The following STPG2 variants were observed in gnomAD, a reference collection of about 807,000 sequenced individuals.
STPG2 encodes sperm-tail PG-rich repeat-containing protein 2.
A neutral mutation model predicts 54.2 loss-of-function variants in STPG2; 56 were observed. The observed-to-expected ratio is 1.03, with a 90% CI of 0.83 to 1.29. The LOEUF (loss-of-function observed/expected upper bound fraction) is 1.29. Ranked by LOEUF, STPG2 falls within the 50% of genes most tolerant of loss-of-function variation. STPG2 has a pLI of 0.00. For synonymous variants in STPG2, 200 were observed against 181.8 expected (o/e 1.10, Z -0.81); for missense variants, 596 against 544.9 (o/e 1.09, Z -0.93).
rs550920654 is a variant in STPG2 at position 97,998,261 on chromosome 4, T to A, written c.613-16943A>T. On this transcript the variant is annotated intron_variant, in intron 5 of 10. Coordinates refer to ENST00000295268, the MANE Select transcript of STPG2 (RefSeq NM_174952.3). ...CCAATTCTGAGCCTAGGCCTTAACATGCATATGTTCCACATTTGCACTCTC... is the reference window on the plus strand; with the variant it reads ...CCAATTCTGAGCCTAGGCCTTAACAAGCATATGTTCCACATTTGCACTCTC... 5.9e-5 allele frequency among the ~76,000 whole-genome samples: 9 copies of A among 152,272 alleles called. No individual in the cohort carries two copies. The South Asian group carries it at 1.9e-3, about 32-fold the overall frequency.
rs116450699 is a variant in STPG2, at chr4:97,803,882, C to A, written c.1204+36891G>T. On this transcript the variant is annotated intron_variant, in intron 9 of 10. Coordinates refer to ENST00000295268, the MANE Select transcript of STPG2 (RefSeq NM_174952.3). Reference sequence around the variant, plus strand: ...GGGAATACTGACTTCTTAATCAATTCATCTCCGATGTCACGTTATTTCAAT... The same window carrying A: ...GGGAATACTGACTTCTTAATCAATTAATCTCCGATGTCACGTTATTTCAAT... Among the ~76,000 whole-genome samples, 543 of 152,236 alleles carry A rather than the reference C, an allele frequency of 3.6e-3. 3 individuals are homozygous for A. Among genetic ancestry groups the A allele is most frequent in the African/African-American group, 0.012 (493 of 41,558 alleles).
At chr4:97,789,811 G>A (rs114087586) in intron 9 of STPG2, among the ~76,000 whole-genome samples, 1,681 of 152,110 alleles carry the variant, frequency 0.011, 24 homozygotes, top group Non-Finnish European at 0.014. Flanking sequence ...TGTACAAAGC[G>A]GGCTAGGCCT....
At chr4:97,702,352 C>T (rs1469970803) in intron 10 of STPG2, among the ~76,000 whole-genome samples, 1 of 152,144 alleles carries the variant, frequency 6.6e-6, no homozygotes. Context: ...CCTTAATATC[C>T]ATTCCCATGC....
At chr4:97,771,722 G>C (rs1160328858) in intron 9 of STPG2, among the ~76,000 whole-genome samples, 1 of 152,214 alleles carries the variant, frequency 6.6e-6, no homozygotes. Flanking sequence ...GACAGCTAGT[G>C]GGGCTAGACA....
In STPG2 at chr4:97,928,099, A is replaced by C. The variant is rs551774029; in HGVS notation, c.1044+15798T>G. ...TTTGCATTTCACTTTTAACCTGCAT[A>C]GGTTGACCACTAGAGTTTTAGTGTA... On this transcript the variant is annotated intron_variant, in intron 8 of 10. Coordinates refer to ENST00000295268, the MANE Select transcript of STPG2 (RefSeq NM_174952.3). 4.6e-5 allele frequency among the ~76,000 whole-genome samples: 7 copies of C among 152,288 alleles called. No individual in the cohort carries two copies. The East Asian group carries it at 1.3e-3, about 29-fold the overall frequency.
At chr4:97,809,675 G>A (rs1727677557) in intron 9 of STPG2, among the ~76,000 whole-genome samples, 1 of 152,138 alleles carries the variant, frequency 6.6e-6, no homozygotes, top group Non-Finnish European at 1.5e-5. Context: ...ATGGACTTCT[G>A]TCCTAAAGAA....
intron 5 of STPG2, chr4:98,048,780 T>G (rs1320633977): frequency 6.4e-6 from 1 of 157,156 alleles, no homozygotes; most frequent in African/African-American, 2.4e-5. Flanking sequence ...ATGTCTTGCA[T>G]GTGGATGTTA....
At chr4:98,014,316 T>G (rs931966809) in intron 5 of STPG2, among the ~76,000 whole-genome samples, 3 of 152,162 alleles carry the variant, frequency 2.0e-5, no homozygotes, top group Non-Finnish European at 4.4e-5. Flanking sequence ...CTAATTTGAC[T>G]ACACTGTGGT....
At chr4:97,646,240 A>C (rs992130637) in intron 10 of STPG2, among the ~76,000 whole-genome samples, 2 of 152,162 alleles carry the variant, frequency 1.3e-5, no homozygotes, top group African/African-American at 2.4e-5. Flanking sequence ...ATTTGCACAC[A>C]GTGCAAGGCT....
At chr4:98,045,358 A>G (rs2149309951) in intron 5 of STPG2, among the ~76,000 whole-genome samples, 1 of 152,282 alleles carries the variant, frequency 6.6e-6, no homozygotes, top group Middle Eastern at 3.4e-3. Flanking sequence ...TAAGACAAAC[A>G]CCAAAATATC....
intron 4 of STPG2, among the ~76,000 whole-genome samples, chr4:97,523,199 A>G (rs7676944): frequency 0.51 from 77,497 of 151,666 alleles, 20,182 homozygotes; most frequent in South Asian, 0.64. Context: ...AGTGCACTAC[A>G]CTATAAGAGT....
At chr4:98,019,677 T>C (rs1736105407) in intron 5 of STPG2, among the ~76,000 whole-genome samples, 1 of 144,798 alleles carries the variant, frequency 6.9e-6, no homozygotes, top group Non-Finnish European at 1.5e-5. Context: ...TTTGTTTGTA[T>C]CCTCTTTTAT....
intron 8 of STPG2, among the ~76,000 whole-genome samples, chr4:97,922,696 T>C (rs1389633077): frequency 6.6e-6 from 1 of 152,224 alleles, no homozygotes; most frequent in African/African-American, 2.4e-5. Context: ...TGTTAGGTCC[T>C]GCAAACAGGA....
At chr4:97,641,107 T>G (rs1176669313) in intron 10 of STPG2, among the ~76,000 whole-genome samples, 2 of 151,632 alleles carry the variant, frequency 1.3e-5, no homozygotes, top group Non-Finnish European at 3.0e-5. Context: ...TATTTGATAT[T>G]GTGCTAGACA....
At chr4:98,087,522 T>C (rs1370477194) in intron 5 of STPG2, among the ~76,000 whole-genome samples, 2 of 151,932 alleles carry the variant, frequency 1.3e-5, no homozygotes, top group Admixed American at 1.3e-4. Context: ...CAGATCAATA[T>C]AATTGTATCC....
chr4:98,010,011 C>A (rs752012236), intron 5 of STPG2, among the ~76,000 whole-genome samples: 1 of 151,854 alleles, frequency 6.6e-6, no homozygotes, highest in Non-Finnish European at 1.5e-5. Flanking sequence ...CTTAGTTAGT[C>A]TGGCTAAATG....
chr4:98,040,923 A>T (rs1423973178), intron 5 of STPG2, among the ~76,000 whole-genome samples: 1 of 151,462 alleles, frequency 6.6e-6, no homozygotes, highest in Admixed American at 6.6e-5. Flanking sequence ...ATCAACATTG[A>T]ATCAAAAGAA....
rs543352895 is a variant in STPG2, at chr4:97,954,370, G to A, written c.934-10363C>T. ...GATAAAGGCAACAGAGTAAAAATTT[G>A]AGATTAGCCTGGCAGAGAAATGCTG... On this transcript the variant is annotated intron_variant, in intron 7 of 10. Coordinates refer to ENST00000295268, the MANE Select transcript of STPG2 (RefSeq NM_174952.3). 1.2e-3 allele frequency among the ~76,000 whole-genome samples: 180 copies of A among 152,282 alleles called. 1 individual carries two copies. In the South Asian group the frequency reaches 0.014, roughly 12 times the overall value.
At chr4:97,847,041 A>C (rs1020701742) in intron 8 of STPG2, among the ~76,000 whole-genome samples, 1 of 152,176 alleles carries the variant, frequency 6.6e-6, no homozygotes, top group African/African-American at 2.4e-5. Context: ...ACTTAAGAAG[A>C]CTTCAAACTT....
Sources: allele counts gnomAD v4.1 joint callset (sites outside exome capture counted in the v4.1 genomes callset), GRCh38; gene constraint gnomAD v4.1.1; transcripts MANE v1.5; gene names NCBI Gene and HGNC (gene_info 2026-07-23, HGNC 2026-07-21).